Variants in SDK1 observed in about 807,000 individuals in gnomAD.
SDK1 encodes sidekick cell adhesion molecule 1, also known as protein sidekick-1.
In SDK1, 157 loss-of-function variants were observed where a neutral mutation model predicts 245.5. The observed-to-expected ratio is 0.64, with a 90% CI of 0.56 to 0.73. SDK1 has a LOEUF of 0.73. SDK1 is among the 30% of genes least tolerant of loss of function. SDK1 has a pLI of 0.00. For missense variants in SDK1, 3,583 were observed against 3,002.3 expected (o/e 1.19, Z -4.52); for synonymous variants, 1,647 against 1,278.5 (o/e 1.29, Z -6.15).
chr7:3,704,226 C>CT (rs766693529), intron 4 of SDK1, among the ~76,000 whole-genome samples: 3 of 151,852 alleles, frequency 2.0e-5, no homozygotes, highest in East Asian at 1.9e-4. Flanking sequence ...TTATTTTGTT[C>CT]TTTTTTTTAT....
At chr7:3,845,581 G>A (rs935367362) in intron 5 of SDK1, among the ~76,000 whole-genome samples, 1 of 150,944 alleles carries the variant, frequency 6.6e-6, no homozygotes, top group Non-Finnish European at 1.5e-5. Flanking sequence ...GCAGGCCAGC[G>A]AGACTGGAAA....
At chr7:3,343,448 G>C (rs1780407863) in intron 1 of SDK1, among the ~76,000 whole-genome samples, 1 of 152,188 alleles carries the variant, frequency 6.6e-6, no homozygotes. Context: ...TTTATGAAAT[G>C]ACAAAATTCT....
intron 1 of SDK1, among the ~76,000 whole-genome samples, chr7:3,349,012 G>A (rs1780583421): frequency 1.3e-5 from 2 of 152,024 alleles, no homozygotes; most frequent in Non-Finnish European, 1.5e-5. Context: ...TGTCACTGTG[G>A]CATTTATGTG....
intron 4 of SDK1, among the ~76,000 whole-genome samples, chr7:3,716,567 C>T (rs1464916900): frequency 1.3e-5 from 2 of 151,884 alleles, no homozygotes; most frequent in Admixed American, 6.6e-5. Flanking sequence ...TGAGGCCAGC[C>T]TGGGCAAGGT....
In SDK1 at chr7:3,451,140, T is replaced by C. The variant is rs1022261087; in HGVS notation, c.298+149256T>C. ...CAGTAGCTGGGAGATGATGTAGGGC[T>C]GAGCGAGGGTGTGGGTATGTAAGAT... On this transcript the variant is annotated intron_variant, in intron 1 of 44. Transcript: ENST00000404826. Among the ~76,000 whole-genome samples the C allele has an allele frequency of 2.6e-5, 4 of 152,118 alleles. 1 individual carries two copies. In the South Asian group the frequency reaches 8.3e-4, roughly 32 times the overall value.
intron 1 of SDK1, among the ~76,000 whole-genome samples, chr7:3,528,450 T>A (rs1463860473): frequency 6.6e-6 from 1 of 151,870 alleles, no homozygotes; most frequent in South Asian, 2.1e-4. Flanking sequence ...AGAAAGTGCT[T>A]AGATTTTATT....
chr7:3,479,601 C>T (rs780262393), intron 1 of SDK1, among the ~76,000 whole-genome samples: 4 of 151,766 alleles, frequency 2.6e-5, no homozygotes, highest in Admixed American at 6.6e-5. Flanking sequence ...TGGTGGCTCA[C>T]GCCTGTAATC....
chr7:3,791,185 C>G (rs903445640), intron 4 of SDK1, among the ~76,000 whole-genome samples: 11 of 151,756 alleles, frequency 7.2e-5, no homozygotes, highest in Admixed American at 2.6e-4. Context: ...AACACCTGTA[C>G]CATTAAGGGC....
intron 34 of SDK1, among the ~76,000 whole-genome samples, chr7:4,176,361 T>G (rs642202): frequency 0.72 from 108,815 of 151,892 alleles, 39,182 homozygotes; most frequent in Admixed American, 0.77. Context: ...AAGAGACGGG[T>G]TCTTGCTATG....
At chr7:3,894,746 T>G (rs2128103156) in intron 5 of SDK1, among the ~76,000 whole-genome samples, 1 of 151,468 alleles carries the variant, frequency 6.6e-6, no homozygotes, top group South Asian at 2.1e-4. Context: ...TCCCCCCGGT[T>G]GGAGTGCAGT....
At chr7:3,906,277 C>T (rs554204068) in intron 5 of SDK1, among the ~76,000 whole-genome samples, 1 of 152,094 alleles carries the variant, frequency 6.6e-6, no homozygotes, top group African/African-American at 2.4e-5. Context: ...TATGTTTAAT[C>T]ATTTTTAACT....
At position 3,974,519 on chromosome 7, in the gene SDK1, C is replaced by G. The variant is rs1782750907; in HGVS notation, c.1968C>G (p.Asp656Glu). 6.2e-7 allele frequency: 1 copy of G among 1,614,064 alleles called. No individual in the cohort carries two copies. Among genetic ancestry groups the G allele is most frequent in the Non-Finnish European group, 8.5e-7 (1 of 1,180,038 alleles). ...AGATTGTTTCTGAAGGAGGGAATGA[C>G]TCCAGGATGGCCCGGCTGGAAGTGA... ...SCEIVSEGGN[D>E]SRMARLEVIE... The change falls in exon 13 of 45, where the codon GAC becomes GAG. Residue 656 changes from aspartate (D) to glutamate (E), a missense_variant. Asp to Glu is a conservative substitution (Grantham distance 45). Transcript: ENST00000404826.
intron 44 of SDK1, among the ~76,000 whole-genome samples, chr7:4,262,340 TC>T (rs1301097666): frequency 6.6e-6 from 1 of 151,904 alleles, no homozygotes; most frequent in East Asian, 1.9e-4. Flanking sequence ...CCTTTAACGG[TC>T]CTTCCAATGA....
At chr7:4,123,805 G>T (rs1784216568) in intron 25 of SDK1, among the ~76,000 whole-genome samples, 2 of 152,200 alleles carry the variant, frequency 1.3e-5, no homozygotes, top group Admixed American at 6.5e-5. Context: ...CACATTCACT[G>T]ACCTACACCC....
chr7:4,210,452 G>A (rs1435333016), intron 38 of SDK1, among the ~76,000 whole-genome samples: 1 of 152,144 alleles, frequency 6.6e-6, no homozygotes, highest in East Asian at 1.9e-4. Context: ...CCTTGATCCT[G>A]TCTCTGTCAC....
Position 3,742,890 on chromosome 7 carries a change from T to C in SDK1, c.714-78560T>C, listed in dbSNP as rs80355762. On this transcript the variant is annotated intron_variant, in intron 4 of 44. Coordinates refer to ENST00000404826, the MANE Select transcript of SDK1 (RefSeq NM_152744.4). The stretch of plus-strand genomic sequence containing the variant: ...CAGAGAAATATGTTAGAAAGGAATT[T>C]TTGCAAGCAAAGAACCAAACAAACA... Among the ~76,000 whole-genome samples the C allele has an allele frequency of 2.2e-3, 341 of 152,248 alleles. 5 individuals carry two copies. In the East Asian group the frequency reaches 0.053, roughly 23 times the overall value.
At chr7:3,969,172 T>A (rs1782296382) in intron 10 of SDK1, 85 bp from the exon 11 acceptor site, 1 of 1,255,674 alleles carries the variant, frequency 8.0e-7, no homozygotes, top group South Asian at 1.9e-5. Context: ...CCGAACCATA[T>A]TACTTGCTTA....
intron 28 of SDK1, among the ~76,000 whole-genome samples, chr7:4,137,499 C>T (rs1779169453): frequency 6.6e-6 from 1 of 152,168 alleles, no homozygotes; most frequent in African/African-American, 2.4e-5. Context: ...GGCGCAGTCC[C>T]TTTCTGGATT....
intron 4 of SDK1, among the ~76,000 whole-genome samples, chr7:3,802,556 G>A (rs917427324): frequency 1.3e-5 from 2 of 151,558 alleles, no homozygotes; most frequent in African/African-American, 2.4e-5. Flanking sequence ...AAGTGCTACA[G>A]AGCTGTTCTG....
Sources: gnomAD v4.1 joint callset for allele counts (sites outside exome capture counted in the v4.1 genomes callset) on GRCh38, gnomAD v4.1.1 for gene constraint, MANE v1.5 for transcripts, NCBI Gene and HGNC (gene_info 2026-07-23, HGNC 2026-07-21) for gene names.